Variants in UBE2E2 observed in about 807,000 individuals in gnomAD.
The protein encoded by UBE2E2 is ubiquitin conjugating enzyme E2 E2.
Under a neutral mutation model 24.7 loss-of-function variants are expected in UBE2E2, and 6 were observed. The observed-to-expected ratio is 0.24, with a 90% confidence interval of 0.13 to 0.48. The LOEUF (loss-of-function observed/expected upper bound fraction) is 0.48, where lower values mean the gene tolerates loss of function less well. UBE2E2 is among the 20% of genes least tolerant of loss of function. The pLI is 0.99. For missense variants in UBE2E2, 169 were observed against 245.0 expected, an observed-to-expected ratio of 0.69 and a Z score of 2.07; for synonymous variants, 104 against 83.6, an observed-to-expected ratio of 1.24 and a Z score of -1.33.
intron 3 of UBE2E2, among the ~76,000 whole-genome samples, chr3:23,272,167 C>T (rs1228870653): frequency 1.3e-5 from 2 of 152,160 alleles, no homozygotes; most frequent in African/African-American, 4.8e-5. Flanking sequence ...GAGCCCTGCC[C>T]CGCGGGGAGG....
At chr3:23,543,879 A>G (rs769341587) in intron 5 of UBE2E2, among the ~76,000 whole-genome samples, 2 of 152,232 alleles carry the variant, frequency 1.3e-5, no homozygotes, top group Non-Finnish European at 2.9e-5. Flanking sequence ...ACATAAACCA[A>G]TGGAACAGAA....
At chr3:23,305,993 A>T (rs1699226662) in intron 3 of UBE2E2, among the ~76,000 whole-genome samples, 1 of 152,108 alleles carries the variant, frequency 6.6e-6, no homozygotes, top group African/African-American at 2.4e-5. Flanking sequence ...TCTCAATTTT[A>T]TTATTTTGTT....
rs1400866683 is a variant in UBE2E2, at chr3:23,280,465, G to C, written c.227+63153G>C. On this transcript the variant is annotated intron_variant, in intron 3 of 5. Transcript: ENST00000396703. The surrounding 1 kb of genome is among the most constrained non-coding windows in gnomAD (Gnocchi z 4.3). Reference sequence around the variant, plus strand: ...TGAGGGATTGTGAATGGTGCTAGAGGTGGCCACACAATCTTTTTGGTCCTT... The same window carrying C: ...TGAGGGATTGTGAATGGTGCTAGAGCTGGCCACACAATCTTTTTGGTCCTT... 6.6e-6 allele frequency among the ~76,000 whole-genome samples: 1 copy of C among 152,190 alleles called. No homozygotes were observed. The highest frequency in any genetic ancestry group is 1.5e-5 in the Non-Finnish European group (1 of 68,024).
At chr3:23,291,833 C>T (rs13078970) in intron 3 of UBE2E2, among the ~76,000 whole-genome samples, 11 of 145,192 alleles carry the variant, frequency 7.6e-5, no homozygotes, top group Non-Finnish European at 7.4e-5. Context: ...CAGATGTGTG[C>T]CACCATGCCC....
chr3:23,452,441 A>G (rs1281426053), intron 3 of UBE2E2, among the ~76,000 whole-genome samples: 1 of 152,120 alleles, frequency 6.6e-6, no homozygotes, highest in African/African-American at 2.4e-5. Context: ...TGTTTTCTTG[A>G]TAAGAATGTA....
chr3:23,209,748 T>C (rs1159988539), intron 2 of UBE2E2, among the ~76,000 whole-genome samples: 3 of 152,204 alleles, frequency 2.0e-5, no homozygotes, highest in Non-Finnish European at 2.9e-5. Flanking sequence ...TATTTTGTTC[T>C]AGTAGACCTT....
chr3:23,491,358 G>A (rs1575664158), intron 3 of UBE2E2, among the ~76,000 whole-genome samples: 2 of 151,972 alleles, frequency 1.3e-5, no homozygotes, highest in East Asian at 1.9e-4. Flanking sequence ...TTCTTAATAT[G>A]TCTTCTTCCC....
chr3:23,547,498 T>G (rs1285815898), intron 5 of UBE2E2, among the ~76,000 whole-genome samples: 2 of 152,224 alleles, frequency 1.3e-5, no homozygotes, highest in Non-Finnish European at 2.9e-5. Flanking sequence ...CCCCATTCAG[T>G]CTACATTTAT....
At chr3:23,255,374 G>A (rs893633787) in intron 3 of UBE2E2, among the ~76,000 whole-genome samples, 1 of 151,928 alleles carries the variant, frequency 6.6e-6, no homozygotes, top group Non-Finnish European at 1.5e-5. Context: ...GATTACAGGC[G>A]TGAGCTACCA....
chr3:23,429,326 T>A (rs1420707828), intron 3 of UBE2E2, among the ~76,000 whole-genome samples: 1 of 152,078 alleles, frequency 6.6e-6, no homozygotes, highest in African/African-American at 2.4e-5. Flanking sequence ...GACAAAGACA[T>A]TGCAAGAAAA....
At chr3:23,504,405 A>G (rs1407636246) in intron 4 of UBE2E2, among the ~76,000 whole-genome samples, 3 of 152,176 alleles carry the variant, frequency 2.0e-5, no homozygotes, top group East Asian at 1.9e-4. Context: ...CATTCATATA[A>G]TTACACATTT....
intron 5 of UBE2E2, among the ~76,000 whole-genome samples, chr3:23,566,403 C>G (rs1448239443): frequency 6.6e-6 from 1 of 152,102 alleles, no homozygotes; most frequent in East Asian, 1.9e-4. Flanking sequence ...GAGACTGAAA[C>G]TTGGTTCATC....
Position 23,203,413 on chromosome 3 carries a change from C to T in UBE2E2, c.-60C>T. ...CTCCCCCTCGCGCCTGGGCAGCTCT[C>T]TCCCAGGGCTTCGGCTCGAGCCTGC... On this transcript the variant is annotated 5_prime_UTR_variant, in exon 1 of 6. Coordinates refer to ENST00000396703, the MANE Select transcript of UBE2E2 (RefSeq NM_152653.4). The T allele has an allele frequency of 1.0e-6, 1 of 984,750 alleles. No homozygotes were observed. Among genetic ancestry groups the T allele is most frequent in the Non-Finnish European group, 1.2e-6 (1 of 829,838 alleles). 61.0% of individuals were successfully genotyped at this position (984,750 alleles called of 1,614,324 possible).
chr3:23,531,192 C>G (rs1373121127), intron 4 of UBE2E2, among the ~76,000 whole-genome samples: 1 of 152,140 alleles, frequency 6.6e-6, no homozygotes, highest in Admixed American at 6.5e-5. Context: ...TTACATAAAT[C>G]TGGTGTTTGA....
At chr3:23,394,810 G>A (rs1697035698) in intron 3 of UBE2E2, among the ~76,000 whole-genome samples, 1 of 151,824 alleles carries the variant, frequency 6.6e-6, no homozygotes, top group African/African-American at 2.4e-5. Context: ...CTCAGAAGGT[G>A]TTCTACCTTT....
At chr3:23,444,065 G>GT (rs59171795) in intron 3 of UBE2E2, among the ~76,000 whole-genome samples, 6,724 of 117,328 alleles carry the variant, frequency 0.057, 294 homozygotes, top group East Asian at 0.22. Context: ...CACCAGTTTT[G>GT]TTTTTTTTTT....
intron 5 of UBE2E2, among the ~76,000 whole-genome samples, chr3:23,586,731 A>G (rs1165976867): frequency 6.6e-6 from 1 of 152,230 alleles, no homozygotes; most frequent in Non-Finnish European, 1.5e-5. Context: ...CGTTGTTTTT[A>G]AAACAAAAGT....
intron 3 of UBE2E2, among the ~76,000 whole-genome samples, chr3:23,277,412 C>T (rs1035769475): frequency 2.6e-5 from 4 of 151,984 alleles, no homozygotes; most frequent in African/African-American, 9.7e-5. Context: ...TTCCTGCAGG[C>T]TTCAAGGGTC....
chr3:23,532,213 A>G (rs1695139362), intron 4 of UBE2E2, among the ~76,000 whole-genome samples: 2 of 152,220 alleles, frequency 1.3e-5, no homozygotes, highest in African/African-American at 4.8e-5. Flanking sequence ...GAAATTTTTT[A>G]GAAGTCAGAG....
Sources: allele counts gnomAD v4.1 joint callset (sites outside exome capture counted in the v4.1 genomes callset), GRCh38; gene constraint gnomAD v4.1.1; non-coding constraint Gnocchi (gnomAD v3.1); transcripts MANE v1.5; gene names NCBI Gene and HGNC (gene_info 2026-07-23, HGNC 2026-07-21).